FRAS1: variants seen among roughly 807,000 people sequenced by gnomAD.
The protein encoded by FRAS1 is extracellular matrix organizing protein FRAS1.
FRAS1 carries 290 observed loss-of-function variants against 435.2 expected under a neutral mutation model. The observed-to-expected ratio is 0.67, with a 90% confidence interval of 0.61 to 0.73. FRAS1 has a LOEUF of 0.73. Ranked by LOEUF, FRAS1 falls within the 30% of genes least tolerant of loss-of-function variation. FRAS1 has a pLI of 0.00. For synonymous variants in FRAS1, 1,800 were observed against 1,851.0 expected (o/e 0.97, Z 0.71); for missense variants, 4,860 against 5,001.5 (o/e 0.97, Z 0.85).
At chr4:78,102,330 C>T (rs1159772941) in intron 2 of FRAS1, among the ~76,000 whole-genome samples, 1 of 152,168 alleles carries the variant, frequency 6.6e-6, no homozygotes, top group African/African-American at 2.4e-5. Flanking sequence ...TAGTGAAGTT[C>T]ATGCCCAGAA....
chr4:78,474,376 C>T (rs60794127), intron 53 of FRAS1, among the ~76,000 whole-genome samples: 1 of 152,054 alleles, frequency 6.6e-6, no homozygotes, highest in African/African-American at 2.4e-5. Flanking sequence ...GACTCACTAT[C>T]CAAGAAATCA....
At chr4:78,272,095 T>G (rs1486377917) in intron 9 of FRAS1, among the ~76,000 whole-genome samples, 2 of 152,264 alleles carry the variant, frequency 1.3e-5, no homozygotes, top group South Asian at 2.1e-4. Flanking sequence ...ATGTGTCTGT[T>G]GGCTGCATAA....
At chr4:78,524,594 T>C (rs1475394910) in intron 69 of FRAS1, among the ~76,000 whole-genome samples, 1 of 152,194 alleles carries the variant, frequency 6.6e-6, no homozygotes, top group Non-Finnish European at 1.5e-5. Context: ...CTAAGTAGTA[T>C]TTAGGAATAG....
chr4:78,527,233 A>G (rs1009299392), intron 70 of FRAS1, among the ~76,000 whole-genome samples: 4 of 152,192 alleles, frequency 2.6e-5, no homozygotes, highest in African/African-American at 7.2e-5. Flanking sequence ...TGGAGACTTT[A>G]TAGAGCATAA....
chr4:78,146,727 T>C (rs948020178), intron 2 of FRAS1, among the ~76,000 whole-genome samples: 1 of 152,182 alleles, frequency 6.6e-6, no homozygotes, highest in Admixed American at 6.5e-5. Context: ...CCAATATAGT[T>C]ATATCACAGT....
intron 1 of FRAS1, among the ~76,000 whole-genome samples, chr4:78,061,652 ACT>A (rs1373827481): frequency 6.6e-6 from 1 of 152,086 alleles, no homozygotes; most frequent in Non-Finnish European, 1.5e-5. Flanking sequence ...TCACTGAGAG[ACT>A]CTATGCTTGA....
At chr4:78,452,395 A>T (rs1460088726) in intron 47 of FRAS1, 41 bp downstream of exon 47, 3 of 1,498,346 alleles carry the variant, frequency 2.0e-6, no homozygotes, top group Middle Eastern at 1.8e-4. Context: ...CAAAACTTAG[A>T]CCTTAGTAAG....
rs572178035 is a variant in FRAS1, at chr4:78,241,056, G to A, written c.216+3439G>A. Reference sequence around the variant, plus strand: ...TTGATCTCAATGGAGTGGGGGGAGCGGAGACTGTATTGCAGAGGCATAAGG... The same window carrying A: ...TTGATCTCAATGGAGTGGGGGGAGCAGAGACTGTATTGCAGAGGCATAAGG... On this transcript the variant is annotated intron_variant, in intron 3 of 73. Coordinates refer to ENST00000512123, the MANE Select transcript of FRAS1 (RefSeq NM_025074.7). Among the ~76,000 whole-genome samples the A allele has an allele frequency of 1.1e-4, 16 of 152,182 alleles. 1 individual carries two copies. The highest frequency in any genetic ancestry group is 2.6e-4 in the African/African-American group (11 of 41,512).
intron 18 of FRAS1, among the ~76,000 whole-genome samples, chr4:78,329,980 G>T (rs345501): frequency 0.6 from 91,590 of 152,044 alleles, 28,881 homozygotes; most frequent in Non-Finnish European, 0.7. Flanking sequence ...AACAGTCAAA[G>T]AATCCTGTGT....
In FRAS1 at chr4:78,540,532, T is replaced by G; in HGVS notation, c.11447T>G (p.Val3816Gly). 1.3e-6 allele frequency: 2 copies of G among 1,487,552 alleles called. No individual in the cohort carries two copies. Among genetic ancestry groups the G allele is most frequent in the Non-Finnish European group, 1.8e-6 (2 of 1,116,946 alleles). The allele number at this position is 1,487,552 out of a possible 1,614,324, so 92.1% of individuals were successfully genotyped here. A position where few individuals can be genotyped will look rare whatever the true frequency, so the allele number is the denominator to read the frequency against. Residue 3816 changes from valine to glycine, a missense_variant and splice_region_variant, in exon 74 of 74, where the codon GTG becomes GGG. Physicochemically the swap from Val to Gly is moderately radical, Grantham distance 109. Coordinates refer to ENST00000512123, the MANE Select transcript of FRAS1 (RefSeq NM_025074.7). ...FTLKVDALYK[V>G]EAGHQWYLQV... Reference sequence around the variant, plus strand: ...CATGTTCGGTTTGTCCCCCTGCAGGTGGAAGCAGGACACCAGTGGTATCTC... The same window carrying G: ...CATGTTCGGTTTGTCCCCCTGCAGGGGGAAGCAGGACACCAGTGGTATCTC...
chr4:78,160,774 T>C (rs1721104820), intron 2 of FRAS1, among the ~76,000 whole-genome samples: 3 of 152,336 alleles, frequency 2.0e-5, no homozygotes, highest in African/African-American at 7.2e-5. Flanking sequence ...AGCCTCATTT[T>C]TGAGATCTTT....
intron 49 of FRAS1, among the ~76,000 whole-genome samples, chr4:78,464,792 T>G (rs529862335): frequency 6.6e-6 from 1 of 152,254 alleles, no homozygotes; most frequent in Non-Finnish European, 1.5e-5. Context: ...AAACCCTTTC[T>G]GAAAACCTAA....
intron 57 of FRAS1, 105 bp from the exon 58 acceptor site, chr4:78,482,283 T>C (rs1720033724): frequency 7.4e-7 from 1 of 1,342,544 alleles, no homozygotes; most frequent in Non-Finnish European, 1.0e-6. Flanking sequence ...AAAATCTTAC[T>C]TTAAAACCAC....
At chr4:78,325,311 T>A (rs1729674447) in intron 18 of FRAS1, among the ~76,000 whole-genome samples, 1 of 152,182 alleles carries the variant, frequency 6.6e-6, no homozygotes, top group Non-Finnish European at 1.5e-5. Context: ...TTGGTTTAGG[T>A]GAATGGGAAG....
intron 53 of FRAS1, 81 bp from the exon 54 acceptor site, chr4:78,475,357 T>C (rs1050094788): frequency 6.7e-7 from 1 of 1,489,502 alleles, no homozygotes; most frequent in Non-Finnish European, 9.3e-7. Flanking sequence ...AAGAACCAAA[T>C]GGAAGAGACA....
rs547183226 is a variant in FRAS1 at position 78,080,932 on chromosome 4, A to G, written c.108+14916A>G. On this transcript the variant is annotated intron_variant, in intron 2 of 73. Transcript: ENST00000512123. ...AAGTGGAGATGGGCTATGCATCCCT[A>G]AAATCTGTCCTCTTTCCTGTGCTGG... 4.9e-4 allele frequency among the ~76,000 whole-genome samples: 74 copies of G among 152,318 alleles called. No homozygotes were observed. The South Asian group carries it at 5.4e-3, about 11-fold the overall frequency.
chr4:78,245,258 A>G lies in FRAS1; in HGVS notation c.242A>G (p.Asn81Ser). Reference protein sequence around the residue: ...EKGEVLQIAANQCCPECVLRT... With the variant: ...EKGEVLQIAASQCCPECVLRT... ...GGAGAAGTGCTTCAAATAGCTGCCA[A>G]CCAATGCTGTCCTGAGTGTGTTTTG... The change falls in exon 4 of 74, where the codon AAC becomes AGC. Residue 81 changes from asparagine (N) to serine (S), a missense_variant. By Grantham distance (46) the Asn-to-Ser change is conservative. Transcript: ENST00000512123. 6.2e-7 allele frequency: 1 copy of G among 1,608,790 alleles called. No homozygotes were observed. Among genetic ancestry groups the G allele is most frequent in the Non-Finnish European group, 8.5e-7 (1 of 1,177,592 alleles).
At chr4:78,196,007 T>C (rs1722795263) in intron 2 of FRAS1, among the ~76,000 whole-genome samples, 2 of 151,912 alleles carry the variant, frequency 1.3e-5, no homozygotes, top group Admixed American at 1.3e-4. Context: ...ATTTATTTAT[T>C]ATGTTTTAAT....
At chr4:78,222,100 A>T (rs941394601) in intron 2 of FRAS1, among the ~76,000 whole-genome samples, 5 of 152,038 alleles carry the variant, frequency 3.3e-5, no homozygotes, top group African/African-American at 1.2e-4. Context: ...CCCTGGTTCA[A>T]TCTGGACTAT....
Sources: allele counts gnomAD v4.1 joint callset (sites outside exome capture counted in the v4.1 genomes callset), GRCh38; gene constraint gnomAD v4.1.1; transcripts MANE v1.5; gene names NCBI Gene and HGNC (gene_info 2026-07-23, HGNC 2026-07-21).